The following CD247 variants were observed in gnomAD, a reference collection of about 807,000 sequenced individuals.
CD247 encodes the protein CD247 molecule, also known as T-cell surface glycoprotein CD3 zeta chain.
A neutral mutation model predicts 30.0 loss-of-function variants in CD247; 13 were observed. The ratio of observed to expected loss-of-function variants is 0.43; its 90% CI spans 0.28 to 0.69. CD247 has a LOEUF of 0.69. CD247 is among the 30% of genes least tolerant of loss of function. The pLI, the probability that CD247 is intolerant of heterozygous loss-of-function variation, is 0.16. For missense variants in CD247, 193 were observed against 212.6 expected (o/e 0.91, Z 0.57); for synonymous variants, 72 against 80.0 (o/e 0.90, Z 0.53).
At chr1:167,453,294 G>A (rs577999202) in intron 1 of CD247, among the ~76,000 whole-genome samples, 2 of 152,228 alleles carry the variant, frequency 1.3e-5, no homozygotes, top group African/African-American at 2.4e-5. Context: ...GAGACTGAAG[G>A]TCAGGGAGGT....
chr1:167,432,101 T>C (rs1571503579), intron 7 of CD247, among the ~76,000 whole-genome samples: 1 of 111,030 alleles, frequency 9.0e-6, no homozygotes, highest in Non-Finnish European at 2.0e-5. Flanking sequence ...TGGGCAGGAA[T>C]CAGGGGGGAG....
In CD247 at chr1:167,494,514, G is replaced by A. The variant is rs938073283; in HGVS notation, c.58+23894C>T. On this transcript the variant is annotated intron_variant, in intron 1 of 7. Transcript: ENST00000362089. This position sits in a 1 kb window ranked among gnomAD's most constrained non-coding sequence, Gnocchi z 7.3. ...GATATGGGGATAATGTCCTCACCCT[G>A]TCGACCTCATGGGGCTGCTGTGAGG... Among the ~76,000 whole-genome samples the A allele has an allele frequency of 1.3e-5, 2 of 152,176 alleles. No homozygotes were observed. Among genetic ancestry groups the A allele is most frequent in the Non-Finnish European group, 2.9e-5 (2 of 68,026 alleles).
At chr1:167,509,033 G>T (rs983179389) in intron 1 of CD247, among the ~76,000 whole-genome samples, 1 of 152,102 alleles carries the variant, frequency 6.6e-6, no homozygotes, top group Non-Finnish European at 1.5e-5. Context: ...TACTCAATTG[G>T]TAAGTCAAGT....
At chr1:167,475,348 A>G (rs1558015737) in intron 1 of CD247, among the ~76,000 whole-genome samples, 1 of 152,174 alleles carries the variant, frequency 6.6e-6, no homozygotes, top group Non-Finnish European at 1.5e-5. Flanking sequence ...GAATCAAATC[A>G]CAGGCATCAT....
At position 167,494,663 on chromosome 1, in the gene CD247, C is replaced by G. The variant is rs1194603778; in HGVS notation, c.58+23745G>C. Among the ~76,000 whole-genome samples, 1 of 152,124 alleles carries G rather than the reference C, an allele frequency of 6.6e-6. No individual in the cohort carries two copies. The highest frequency in any genetic ancestry group is 1.5e-5 in the Non-Finnish European group (1 of 68,022). ...CTGTGGCTTTACACAGCCCATGTCT[C>G]TGGATTGTTAAAAGGATCAAAAAAG... On this transcript the variant is annotated intron_variant, in intron 1 of 7. Coordinates refer to ENST00000362089, the MANE Select transcript of CD247 (RefSeq NM_198053.3). This position sits in a 1 kb window ranked among gnomAD's most constrained non-coding sequence, Gnocchi z 7.3.
At chr1:167,434,471 C>G (rs1247521334) in intron 5 of CD247, 3 of 354,518 alleles carry the variant, frequency 8.5e-6, no homozygotes, top group Non-Finnish European at 5.5e-6. Flanking sequence ...GATCAACCCT[C>G]CCTCCCCACA....
chr1:167,449,071 A>T (rs1036076291), intron 1 of CD247, among the ~76,000 whole-genome samples: 1 of 152,010 alleles, frequency 6.6e-6, no homozygotes, highest in Non-Finnish European at 1.5e-5. Flanking sequence ...CTTTATGAGC[A>T]AATGTTTCTC....
At chr1:167,482,562 G>A (rs952954110) in intron 1 of CD247, among the ~76,000 whole-genome samples, 16 of 152,284 alleles carry the variant, frequency 1.1e-4, no homozygotes, top group African/African-American at 3.9e-4. Flanking sequence ...TGCTGGCTGG[G>A]GCCAAGGGCT....
intron 1 of CD247, among the ~76,000 whole-genome samples, chr1:167,477,524 T>C (rs1216869708): frequency 2.0e-5 from 3 of 152,106 alleles, no homozygotes; most frequent in Non-Finnish European, 4.4e-5. Context: ...TGTTTTTTGT[T>C]TTTTCCTTGA....
In CD247 at chr1:167,433,182, C is replaced by T. The variant is rs1651361026; in HGVS notation, c.394-123G>A. The T allele has an allele frequency of 4.3e-6, 4 of 926,222 alleles. No individual in the cohort carries two copies. The Admixed American group carries it at 7.3e-5, about 17-fold the overall frequency. The allele number at this position is 926,222 out of a possible 1,614,324, so 57.4% of individuals were successfully genotyped here. On this transcript the variant is annotated intron_variant, in intron 6 of 7. Coordinates refer to ENST00000362089, the MANE Select transcript of CD247 (RefSeq NM_198053.3). ...CAGAGGTAACTGTCTCCCAGCAGCA[C>T]CCCTGCCCCTGGGAGAGAAGGATCC...
At chr1:167,502,656 T>A (rs1247048733) in intron 1 of CD247, among the ~76,000 whole-genome samples, 1 of 152,164 alleles carries the variant, frequency 6.6e-6, no homozygotes, top group Non-Finnish European at 1.5e-5. Flanking sequence ...TGCTTTCAGA[T>A]TATCAAGTTA....
chr1:167,516,245 T>C (rs1368266028), intron 1 of CD247, among the ~76,000 whole-genome samples: 5 of 152,274 alleles, frequency 3.3e-5, no homozygotes, highest in Admixed American at 3.3e-4. Context: ...TTAGAGGCAC[T>C]GAGGGCTCTG....
At chr1:167,517,510 A>G (rs1256142498) in intron 1 of CD247, among the ~76,000 whole-genome samples, 1 of 152,222 alleles carries the variant, frequency 6.6e-6, no homozygotes, top group Non-Finnish European at 1.5e-5. Flanking sequence ...TACCTGGGCT[A>G]GAAAACATGG....
chr1:167,456,578 C>CT (rs1292513477), intron 1 of CD247, among the ~76,000 whole-genome samples: 2 of 152,310 alleles, frequency 1.3e-5, no homozygotes, highest in African/African-American at 4.8e-5. Flanking sequence ...GAATGAGACT[C>CT]TCTGAAGGCC....
intron 1 of CD247, among the ~76,000 whole-genome samples, chr1:167,443,908 G>A (rs1651953712): frequency 6.6e-6 from 1 of 152,180 alleles, no homozygotes; most frequent in South Asian, 2.1e-4. Context: ...GACAGTCATG[G>A]CCCAGAAAGC....
chr1:167,447,635 C>A (rs560196435), intron 1 of CD247, among the ~76,000 whole-genome samples: 3 of 152,222 alleles, frequency 2.0e-5, no homozygotes, highest in Non-Finnish European at 4.4e-5. Context: ...CAATCCAAGT[C>A]CTGGTGTTGC....
chr1:167,477,319 C>G (rs1378569019), intron 1 of CD247, among the ~76,000 whole-genome samples: 2 of 152,232 alleles, frequency 1.3e-5, no homozygotes, highest in Non-Finnish European at 2.9e-5. Flanking sequence ...TACCTGGAGC[C>G]TGCCTTGAGC....
intron 1 of CD247, among the ~76,000 whole-genome samples, chr1:167,506,512 G>A (rs1024964499): frequency 1.3e-5 from 2 of 151,628 alleles, no homozygotes; most frequent in East Asian, 1.9e-4. Flanking sequence ...CGTGCCCAGC[G>A]AATATTTTCT....
chr1:167,431,681 T>G lies in CD247; in HGVS notation c.495A>C (p.Ter165TyrextTer18), dbSNP rs1651272129. ...ALHMQALPPR[*>Y] is the part of the protein sequence containing the mutation. Reference sequence around the variant, plus strand: ...TTTGAGTGGTGAAATCCCCTGGCTGTTAGCGAGGGGGCAGGGCCTGCATGT... The same window carrying G: ...TTTGAGTGGTGAAATCCCCTGGCTGGTAGCGAGGGGGCAGGGCCTGCATGT... Residue 165 changes from the stop codon to tyrosine (Y), a stop_lost, in exon 8 of 8, where the codon TAA becomes TAC. Transcript: ENST00000362089. 1 of 1,612,778 alleles carries G rather than the reference T, an allele frequency of 6.2e-7. No individual in the cohort carries two copies. Among genetic ancestry groups the G allele is most frequent in the Admixed American group, 1.7e-5 (1 of 60,004 alleles).
Sources: allele counts gnomAD v4.1 joint callset (sites outside exome capture counted in the v4.1 genomes callset), GRCh38; gene constraint gnomAD v4.1.1; non-coding constraint Gnocchi (gnomAD v3.1); transcripts MANE v1.5; gene names NCBI Gene and HGNC (gene_info 2026-07-23, HGNC 2026-07-21).